Variants in EFCAB6 observed in about 807,000 individuals in gnomAD.
The protein encoded by EFCAB6 is EF-hand calcium binding domain 6.
Under a neutral mutation model 169.8 loss-of-function variants are expected in EFCAB6, and 156 were observed. The ratio of observed to expected loss-of-function variants is 0.92; its 90% CI spans 0.81 to 1.05. The LOEUF is 1.05. EFCAB6 is among the 50% of genes least tolerant of loss of function. EFCAB6 has a pLI of 0.00. For synonymous variants in EFCAB6, 698 were observed against 676.4 expected (o/e 1.03, Z -0.50); for missense variants, 1,800 against 1,829.1 (o/e 0.98, Z 0.29).
At chr22:43,597,126 A>G (rs956476154) in intron 23 of EFCAB6, among the ~76,000 whole-genome samples, 1 of 152,242 alleles carries the variant, frequency 6.6e-6, no homozygotes, top group African/African-American at 2.4e-5. Flanking sequence ...ACTTAAATGT[A>G]AGACCATAAA....
In EFCAB6 at chr22:43,711,765, C is replaced by T. The variant is rs1051922963; in HGVS notation, c.883-142G>A. 4 of 959,514 alleles carry T rather than the reference C, an allele frequency of 4.2e-6. No homozygotes were observed. In the African/African-American group the frequency reaches 6.9e-5, roughly 17 times the overall value. 59.4% of individuals were successfully genotyped at this position (959,514 alleles called of 1,614,324 possible). On this transcript the variant is annotated intron_variant, in intron 9 of 31. Coordinates refer to ENST00000262726, the MANE Select transcript of EFCAB6 (RefSeq NM_022785.4). ...AAAGGTTACTATGGCATGTACTGAA[C>T]TTCAAATGTTTAATTGATGAGCTCA...
At chr22:43,675,263 ATATAT>A (rs1305950241) in intron 13 of EFCAB6, among the ~76,000 whole-genome samples, 1 of 141,364 alleles carries the variant, frequency 7.1e-6, no homozygotes, top group Non-Finnish European at 1.5e-5. Flanking sequence ...TGTGTATATA[ATATAT>A]TATGCTATAA....
intron 10 of EFCAB6, among the ~76,000 whole-genome samples, chr22:43,708,437 C>T (rs186578824): frequency 2.3e-4 from 34 of 150,324 alleles, no homozygotes; most frequent in Non-Finnish European, 3.3e-4. Flanking sequence ...ACAAGAAAGA[C>T]GAGGAATAAA....
chr22:43,785,192 A>G (rs2062030400), intron 2 of EFCAB6, among the ~76,000 whole-genome samples: 1 of 152,182 alleles, frequency 6.6e-6, no homozygotes, highest in Non-Finnish European at 1.5e-5. Context: ...CTCACAGACA[A>G]CTAAAGAACA....
intron 9 of EFCAB6, among the ~76,000 whole-genome samples, chr22:43,716,367 T>C (rs575495712): frequency 6.6e-6 from 1 of 152,340 alleles, no homozygotes; most frequent in Admixed American, 6.5e-5. Context: ...TCCATTTGAA[T>C]GTCCATTGCT....
rs1238202007 is a variant in EFCAB6 at position 43,773,073 on chromosome 22, G to A, written c.170C>T (p.Ser57Phe). Residue 57 changes from serine to phenylalanine, a missense_variant, in exon 4 of 32, where the codon TCC becomes TTC. Physicochemically the swap from Ser to Phe is radical, Grantham distance 155 (BLOSUM62 -2). Coordinates refer to ENST00000262726, the MANE Select transcript of EFCAB6 (RefSeq NM_022785.4). ...AAATAAAATCCGTTTAACATCTAAG[G>A]AGGACAGTGTTGGATTTGCAACAGC... ...TTAVANPTLSSLDVKRILFQK... is the reference protein window; with the variant it reads ...TTAVANPTLSFLDVKRILFQK... 3.1e-6 allele frequency: 5 copies of A among 1,614,090 alleles called. No individual in the cohort carries two copies. Among genetic ancestry groups the A allele is most frequent in the Non-Finnish European group, 4.2e-6 (5 of 1,180,054 alleles).
Position 43,537,787 on chromosome 22 carries a change from C to T in EFCAB6, c.3880-242G>A, listed in dbSNP as rs1172560189. The stretch of plus-strand genomic sequence containing the variant: ...ATAATTTTGGAAATAGCCATGTAGC[C>T]AAGGTTCAAATCTACACAGATGAGA... On this transcript the variant is annotated intron_variant, in intron 28 of 31. Transcript: ENST00000262726. This position sits in a 1 kb window ranked among gnomAD's most constrained non-coding sequence, Gnocchi z 4.3. Among the ~76,000 whole-genome samples, 1 of 151,236 alleles carries T rather than the reference C, an allele frequency of 6.6e-6. No individual in the cohort carries two copies. The highest frequency in any genetic ancestry group is 2.0e-4 in the East Asian group (1 of 5,122).
intron 20 of EFCAB6, among the ~76,000 whole-genome samples, chr22:43,624,522 C>CT (rs2054362185): frequency 6.6e-6 from 1 of 152,174 alleles, no homozygotes; most frequent in Non-Finnish European, 1.5e-5. Flanking sequence ...TTAACACTCC[C>CT]GCCTGCCTCT....
intron 6 of EFCAB6, among the ~76,000 whole-genome samples, chr22:43,751,756 G>A (rs1289923246): frequency 2.0e-5 from 3 of 152,224 alleles, no homozygotes; most frequent in Non-Finnish European, 4.4e-5. Flanking sequence ...GATGGACTGG[G>A]TCTAACTACA....
intron 20 of EFCAB6, among the ~76,000 whole-genome samples, chr22:43,617,348 G>A (rs2053762695): frequency 6.6e-6 from 1 of 152,190 alleles, no homozygotes; most frequent in Admixed American, 6.5e-5. Context: ...AGCCCCTGAG[G>A]GGCATGTGCT....
At chr22:43,551,828 CTT>C (rs142350726) in intron 27 of EFCAB6, 44 of 136,684 alleles carry the variant, frequency 3.2e-4, no homozygotes, top group South Asian at 4.7e-4. Context: ...TCCCTTGTTC[CTT>C]TTTTTTTTTT....
At chr22:43,600,293 T>C (rs2052403912) in intron 22 of EFCAB6, 30 bp from the exon 23 acceptor site, 1 of 1,608,766 alleles carries the variant, frequency 6.2e-7, no homozygotes, top group Non-Finnish European at 8.5e-7. Context: ...CAGAAAGCAC[T>C]TCTCAGTAGC....
intron 13 of EFCAB6, among the ~76,000 whole-genome samples, chr22:43,677,677 C>T (rs1430842853): frequency 6.6e-6 from 1 of 151,860 alleles, no homozygotes; most frequent in Non-Finnish European, 1.5e-5. Context: ...AAAACAAGAA[C>T]AACAAAAATA....
chr22:43,661,649 T>C (rs1489603183), intron 17 of EFCAB6, among the ~76,000 whole-genome samples: 1 of 152,160 alleles, frequency 6.6e-6, no homozygotes, highest in Non-Finnish European at 1.5e-5. Context: ...CATCCAACCA[T>C]GGAAAGCACA....
intron 26 of EFCAB6, among the ~76,000 whole-genome samples, chr22:43,559,982 A>T (rs547474162): frequency 5.9e-5 from 9 of 152,344 alleles, no homozygotes; most frequent in African/African-American, 2.2e-4. Flanking sequence ...ATACCTATGT[A>T]ACAAACCTGC....
intron 17 of EFCAB6, among the ~76,000 whole-genome samples, chr22:43,651,824 C>T (rs1339468425): frequency 6.6e-6 from 1 of 152,148 alleles, no homozygotes; most frequent in African/African-American, 2.4e-5. Context: ...ATTTGACTGC[C>T]CCACTGGATT....
intron 13 of EFCAB6, among the ~76,000 whole-genome samples, chr22:43,672,681 T>C (rs2057544747): frequency 6.6e-6 from 1 of 152,078 alleles, no homozygotes; most frequent in South Asian, 2.1e-4. Context: ...CACTGGGGCC[T>C]ATCGGAGAAC....
At chr22:43,687,122 T>C (rs115638616) in intron 11 of EFCAB6, among the ~76,000 whole-genome samples, 5,732 of 152,334 alleles carry the variant, frequency 0.038, 144 homozygotes, top group Non-Finnish European at 0.057. Flanking sequence ...TACAAGGATA[T>C]GCTTAGAGCT....
chr22:43,656,472 C>T (rs2056749275), intron 17 of EFCAB6, among the ~76,000 whole-genome samples: 2 of 151,918 alleles, frequency 1.3e-5, no homozygotes, highest in East Asian at 1.9e-4. Flanking sequence ...TAAAATGAAC[C>T]CAATTGACAT....
Sources: allele counts gnomAD v4.1 joint callset (sites outside exome capture counted in the v4.1 genomes callset), GRCh38; gene constraint gnomAD v4.1.1; non-coding constraint Gnocchi (gnomAD v3.1); transcripts MANE v1.5; gene names NCBI Gene and HGNC (gene_info 2026-07-23, HGNC 2026-07-21).